SDK1: variants seen among roughly 807,000 people sequenced by gnomAD.
SDK1 encodes the protein sidekick cell adhesion molecule 1, also known as protein sidekick-1.
Under a neutral mutation model 245.5 loss-of-function variants are expected in SDK1, and 157 were observed. The observed-to-expected ratio is 0.64, with a 90% CI of 0.56 to 0.73. The LOEUF (loss-of-function observed/expected upper bound fraction) is 0.73. Among genes scored for constraint, SDK1 ranks in the 30% least tolerant of loss-of-function variants. The pLI is 0.00. For missense variants in SDK1, 3,583 were observed against 3,002.3 expected (o/e 1.19, Z -4.52); for synonymous variants, 1,647 against 1,278.5 (o/e 1.29, Z -6.15).
Position 3,582,918 on chromosome 7 carries a change from G to A in SDK1, c.299-36162G>A, listed in dbSNP as rs1012220731. ...GATGCTGAGTGGAAGAGAAGTGTGT[G>A]TAGGAAAAGGGGGGCAGATAACCAA... On this transcript the variant is annotated intron_variant, in intron 1 of 44. Transcript: ENST00000404826. 3.3e-5 allele frequency among the ~76,000 whole-genome samples: 5 copies of A among 152,254 alleles called. No individual in the cohort carries two copies. In the East Asian group the frequency reaches 9.7e-4, roughly 29 times the overall value.
At chr7:3,825,772 G>A (rs1779759678) in intron 5 of SDK1, among the ~76,000 whole-genome samples, 1 of 152,178 alleles carries the variant, frequency 6.6e-6, no homozygotes, top group East Asian at 1.9e-4. Context: ...GCTTTTGTGT[G>A]CCCAGGTACA....
chr7:4,054,792 T>C (rs972865183), intron 19 of SDK1, among the ~76,000 whole-genome samples: 1 of 152,184 alleles, frequency 6.6e-6, no homozygotes, highest in Non-Finnish European at 1.5e-5. Flanking sequence ...TGCTAATTGG[T>C]TCTGAGTTTT....
At chr7:4,048,541 A>C (rs554061509) in intron 17 of SDK1, among the ~76,000 whole-genome samples, 1 of 149,058 alleles carries the variant, frequency 6.7e-6, no homozygotes. Flanking sequence ...CCTTGGCAAC[A>C]TTTTGCCTTT....
At chr7:3,817,619 G>A (rs1779541616) in intron 4 of SDK1, among the ~76,000 whole-genome samples, 1 of 152,108 alleles carries the variant, frequency 6.6e-6, no homozygotes, top group Non-Finnish European at 1.5e-5. Context: ...GTGGTCTGGG[G>A]AAGGCCACAA....
chr7:3,477,285 T>C (rs1583916986), intron 1 of SDK1, among the ~76,000 whole-genome samples: 1 of 138,462 alleles, frequency 7.2e-6, no homozygotes, highest in East Asian at 2.5e-4. Flanking sequence ...AGTCTCCATC[T>C]CCTGGCTTCA....
At chr7:3,533,173 C>T (rs1783406615) in intron 1 of SDK1, among the ~76,000 whole-genome samples, 1 of 152,154 alleles carries the variant, frequency 6.6e-6, no homozygotes, top group African/African-American at 2.4e-5. Context: ...TGGTGTGTAA[C>T]AGAGACATCT....
intron 43 of SDK1, among the ~76,000 whole-genome samples, chr7:4,242,214 G>A (rs757541189): frequency 2.0e-5 from 3 of 152,164 alleles, no homozygotes; most frequent in East Asian, 3.9e-4. Flanking sequence ...TGTGTCAATC[G>A]CATGCACCTT....
intron 1 of SDK1, among the ~76,000 whole-genome samples, chr7:3,555,670 A>G (rs1005242657): frequency 7.2e-5 from 11 of 152,204 alleles, no homozygotes; most frequent in African/African-American, 2.2e-4. Context: ...CAAACCATCC[A>G]TCTGACAAGG....
intron 1 of SDK1, among the ~76,000 whole-genome samples, chr7:3,376,206 A>G (rs1459752689): frequency 6.6e-6 from 1 of 152,186 alleles, no homozygotes; most frequent in Non-Finnish European, 1.5e-5. Context: ...TGGGGGAAAA[A>G]AAGAAAATCT....
intron 1 of SDK1, among the ~76,000 whole-genome samples, chr7:3,427,843 G>A (rs1314501160): frequency 5.0e-5 from 6 of 119,342 alleles, no homozygotes; most frequent in East Asian, 2.0e-4. Flanking sequence ...CTTAGATGTC[G>A]TTAGTGTCTC....
chr7:3,482,383 T>G (rs963322488), intron 1 of SDK1, among the ~76,000 whole-genome samples: 1 of 152,184 alleles, frequency 6.6e-6, no homozygotes, highest in African/African-American at 2.4e-5. Context: ...AGTGTCTGCT[T>G]TGATGGCTGC....
chr7:3,673,560 A>G (rs931160592), intron 4 of SDK1, among the ~76,000 whole-genome samples: 1 of 152,248 alleles, frequency 6.6e-6, no homozygotes, highest in African/African-American at 2.4e-5. Flanking sequence ...ACATGAGTTT[A>G]TTAACATTCA....
intron 1 of SDK1, among the ~76,000 whole-genome samples, chr7:3,310,374 T>C (rs748903814): frequency 1.4e-4 from 22 of 152,164 alleles, no homozygotes; most frequent in Admixed American, 4.6e-4. Context: ...TGTAGATGTG[T>C]TGGACTGTAA....
chr7:4,111,792 A>G (rs1783367670), intron 23 of SDK1, among the ~76,000 whole-genome samples: 1 of 152,252 alleles, frequency 6.6e-6, no homozygotes, highest in African/African-American at 2.4e-5. Flanking sequence ...GTAAATGTAT[A>G]TGTGCATACT....
At chr7:3,615,855 A>G (rs1336953087) in intron 1 of SDK1, among the ~76,000 whole-genome samples, 1 of 139,636 alleles carries the variant, frequency 7.2e-6, no homozygotes, top group Non-Finnish European at 1.6e-5. Context: ...CAATCACACA[A>G]CCTCTTCAAA....
At chr7:3,379,939 A>G (rs1008820174) in intron 1 of SDK1, among the ~76,000 whole-genome samples, 4 of 152,166 alleles carry the variant, frequency 2.6e-5, no homozygotes, top group Admixed American at 2.6e-4. Context: ...AAGATTCAAA[A>G]CCTAATCCAA....
intron 8 of SDK1, among the ~76,000 whole-genome samples, chr7:3,959,778 A>G (rs1781532856): frequency 6.6e-6 from 1 of 152,048 alleles, no homozygotes; most frequent in Non-Finnish European, 1.5e-5. Flanking sequence ...ATAGTATTTG[A>G]ATAGGAAATG....
Position 3,541,329 on chromosome 7 carries a change from T to C in SDK1, c.299-77751T>C, listed in dbSNP as rs114849055. On this transcript the variant is annotated intron_variant, in intron 1 of 44. Transcript: ENST00000404826. Reference sequence around the variant, plus strand: ...ACTCCTCCTGTGTGCTTCCACTTGCTCAGAGCCATGCAGGCAACTTCTTAC... The same window carrying C: ...ACTCCTCCTGTGTGCTTCCACTTGCCCAGAGCCATGCAGGCAACTTCTTAC... 1.3e-3 allele frequency among the ~76,000 whole-genome samples: 197 copies of C among 152,350 alleles called. 3 individuals are homozygous for C. The highest frequency in any genetic ancestry group is 4.6e-3 in the African/African-American group (191 of 41,590).
chr7:3,435,814 T>C (rs1011873624), intron 1 of SDK1, among the ~76,000 whole-genome samples: 12 of 152,224 alleles, frequency 7.9e-5, no homozygotes, highest in Non-Finnish European at 1.5e-4. Context: ...TCCCTCATGC[T>C]TTCTCATGGA....
Sources: gnomAD v4.1 joint callset for allele counts (sites outside exome capture counted in the v4.1 genomes callset) on GRCh38, gnomAD v4.1.1 for gene constraint, MANE v1.5 for transcripts, NCBI Gene and HGNC (gene_info 2026-07-23, HGNC 2026-07-21) for gene names.